CTSO: variants seen among roughly 807,000 people sequenced by gnomAD.
CTSO encodes the protein cathepsin O.
CTSO carries 40 observed loss-of-function variants against 42.4 expected under a neutral mutation model. That is an observed-to-expected ratio of 0.94 (90% CI 0.73 to 1.23). The LOEUF is 1.23. Ranked by LOEUF, CTSO falls within the 50% of genes most tolerant of loss-of-function variation. The probability of loss-of-function intolerance (pLI) is 0.00; values close to 1 mark genes in which losing one functional copy is unlikely to be tolerated. For missense variants in CTSO, 441 were observed against 396.0 expected (o/e 1.11, Z -0.96); for synonymous variants, 156 against 146.2 (o/e 1.07, Z -0.48).
At chr4:155,930,887 T>C (rs1015441483) in intron 5 of CTSO, among the ~76,000 whole-genome samples, 1 of 152,148 alleles carries the variant, frequency 6.6e-6, no homozygotes, top group Admixed American at 6.6e-5. Context: ...TGTAAAACAG[T>C]TCATATTAAC....
Position 155,929,632 on chromosome 4 carries a change from A to G in CTSO, c.748T>C (p.Trp250Arg). The change falls in exon 6 of 8, where the codon TGG becomes CGG. Residue 250 changes from tryptophan (W) to arginine (R), a missense_variant. Trp to Arg is a moderately radical substitution (Grantham distance 101). Transcript: ENST00000433477. ...ATAATGCCTCCCAGATAATCTTGCC[A>G]GCTCACTGCATCTACTATGACTACC... Reference protein sequence around the residue: ...PLVVIVDAVSWQDYLGGIIQH... With the variant: ...PLVVIVDAVSRQDYLGGIIQH... The G allele has an allele frequency of 6.2e-7, 1 of 1,613,982 alleles. No individual in the cohort carries two copies.
chr4:155,928,563 T>C, intron 6 of CTSO, 135 bp from the exon 7 acceptor site: 1 of 606,058 alleles, frequency 1.7e-6, no homozygotes, highest in Non-Finnish European at 2.9e-6. Flanking sequence ...AATTTAATGG[T>C]AACTTAAACT....
Position 155,939,412 on chromosome 4 carries a change from T to A in CTSO, c.511A>T (p.Asn171Tyr). Residue 171 changes from asparagine (N) to tyrosine (Y), a missense_variant, in exon 4 of 8, where the codon AAT becomes TAT. Transcript: ENST00000433477. ...IDCSYNNYGC[N>Y]GGSTLNALNW... is the part of the protein sequence containing the mutation. Reference sequence around the variant, plus strand: ...AAAGCATTGAGAGTAGAGCCTCCATTGCAGCCATAATTATTATACGAACAG... The same window carrying A: ...AAAGCATTGAGAGTAGAGCCTCCATAGCAGCCATAATTATTATACGAACAG... The A allele has an allele frequency of 1.2e-6, 2 of 1,614,078 alleles. No homozygotes were observed. Among genetic ancestry groups the A allele is most frequent in the South Asian group, 1.1e-5 (1 of 91,072 alleles).
intron 3 of CTSO, among the ~76,000 whole-genome samples, chr4:155,941,816 G>T (rs908696574): frequency 2.3e-4 from 35 of 152,352 alleles, no homozygotes; most frequent in Admixed American, 8.5e-4. Context: ...GAAGACGGGG[G>T]CAGATTTTCT....
chr4:155,929,470 T>C, intron 6 of CTSO, 72 bp downstream of exon 6: 2 of 1,450,954 alleles, frequency 1.4e-6, no homozygotes, highest in African/African-American at 1.4e-5. Context: ...TTCAATGTTC[T>C]ACAGTATGGT....
chr4:155,946,729 T>G (rs1386557243), intron 1 of CTSO, among the ~76,000 whole-genome samples: 2 of 152,180 alleles, frequency 1.3e-5, no homozygotes, highest in Non-Finnish European at 2.9e-5. Context: ...AGCAAAATAC[T>G]CTAAACCACT....
intron 1 of CTSO, among the ~76,000 whole-genome samples, chr4:155,944,324 C>T (rs1367886889): frequency 6.6e-6 from 1 of 152,074 alleles, no homozygotes; most frequent in African/African-American, 2.4e-5. Context: ...TGCTAATCAA[C>T]AAATTAATAA....
intron 5 of CTSO, among the ~76,000 whole-genome samples, chr4:155,935,224 C>T (rs769349456): frequency 3.3e-5 from 5 of 152,128 alleles, no homozygotes; most frequent in South Asian, 4.1e-4. Flanking sequence ...TACCTCCTGC[C>T]GTGATTCTGA....
At chr4:155,943,075 A>T in intron 2 of CTSO, 81 bp downstream of exon 2, 1 of 841,202 alleles carries the variant, frequency 1.2e-6, no homozygotes, top group Non-Finnish European at 1.9e-6. Flanking sequence ...AATATATTAG[A>T]TTTACAATGA....
At chr4:155,934,772 T>A (rs1054359411) in intron 5 of CTSO, among the ~76,000 whole-genome samples, 8 of 152,214 alleles carry the variant, frequency 5.3e-5, no homozygotes, top group African/African-American at 1.9e-4. Context: ...ACCCAATACC[T>A]GTATCCCTAC....
intron 1 of CTSO, 123 bp from the exon 2 acceptor site, chr4:155,943,387 A>G: frequency 1.8e-6 from 1 of 552,202 alleles, no homozygotes; most frequent in Admixed American, 3.2e-5. Context: ...TCAGACTACA[A>G]TGTAAAGTTG....
At chr4:155,932,042 A>G (rs1743244817) in intron 5 of CTSO, among the ~76,000 whole-genome samples, 1 of 152,182 alleles carries the variant, frequency 6.6e-6, no homozygotes, top group African/African-American at 2.4e-5. Context: ...TGTTATATGT[A>G]GTAGGTTCCT....
chr4:155,934,449 C>T (rs2110913505), intron 5 of CTSO, among the ~76,000 whole-genome samples: 1 of 152,306 alleles, frequency 6.6e-6, no homozygotes, highest in South Asian at 2.1e-4. Flanking sequence ...AGAAGAGGGC[C>T]ACTGTCCTCC....
In CTSO at chr4:155,943,184, A is replaced by C. The variant is rs754231630; in HGVS notation, c.216T>G (p.Phe72Leu). 1.2e-6 allele frequency: 2 copies of C among 1,611,056 alleles called. No homozygotes were observed. Among genetic ancestry groups the C allele is most frequent in the Non-Finnish European group, 8.5e-7 (1 of 1,177,730 alleles). The change falls in exon 2 of 8, where the codon TTT becomes TTG. Residue 72 changes from phenylalanine (F) to leucine (L), a missense_variant. By Grantham distance (22) the Phe-to-Leu change is conservative. Coordinates refer to ENST00000433477, the MANE Select transcript of CTSO (RefSeq NM_001334.3). ...NSTAFYGINQ[F>L]SYLFPEEFKA... ...TAAACTCTTCAGGAAACAAATAGGA[A>C]AACTGATTTATTCCATAGAAGGCGG...
At position 155,943,767 on chromosome 4, in the gene CTSO, A is replaced by G. The variant is rs185826083; in HGVS notation, c.136-503T>C. Among the ~76,000 whole-genome samples, 275 of 152,324 alleles carry G rather than the reference A, an allele frequency of 1.8e-3. 2 individuals are homozygous for G. The highest frequency in any genetic ancestry group is 6.3e-3 in the African/African-American group (260 of 41,592). ...ATCTGATTCTATTAAAGCTTTATAG[A>G]TATCTCTATCTCATGTAGGGTACAA... On this transcript the variant is annotated intron_variant, in intron 1 of 7. Transcript: ENST00000433477.
At chr4:155,946,093 T>C (rs1743541588) in intron 1 of CTSO, among the ~76,000 whole-genome samples, 1 of 152,172 alleles carries the variant, frequency 6.6e-6, no homozygotes, top group South Asian at 2.1e-4. Flanking sequence ...TACACGTGTG[T>C]CTGGGAGGGG....
chr4:155,950,631 G>C (rs2110939625), intron 1 of CTSO, among the ~76,000 whole-genome samples: 1 of 152,190 alleles, frequency 6.6e-6, no homozygotes, highest in South Asian at 2.1e-4. Context: ...TTAACGACCA[G>C]GCTGCACAGC....
At chr4:155,927,894 C>T (rs1743158911) in intron 7 of CTSO, among the ~76,000 whole-genome samples, 1 of 151,990 alleles carries the variant, frequency 6.6e-6, no homozygotes, top group Non-Finnish European at 1.5e-5. Flanking sequence ...AAATCACAAA[C>T]AATACTAATG....
At chr4:155,939,824 A>T (rs532310639) in intron 3 of CTSO, among the ~76,000 whole-genome samples, 2 of 152,320 alleles carry the variant, frequency 1.3e-5, no homozygotes, top group South Asian at 2.1e-4. Context: ...ACTTGGGCTA[A>T]CTGATGATCT....
Sources: gnomAD v4.1 joint callset for allele counts (sites outside exome capture counted in the v4.1 genomes callset) on GRCh38, gnomAD v4.1.1 for gene constraint, MANE v1.5 for transcripts, NCBI Gene and HGNC (gene_info 2026-07-23, HGNC 2026-07-21) for gene names.